The following LINGO2 variants were observed in gnomAD, a reference collection of about 807,000 sequenced individuals.
The protein encoded by LINGO2 is leucine rich repeat and Ig domain containing 2, also known as leucine-rich repeat and immunoglobulin-like domain-containing nogo receptor-interacting protein 2.
A neutral mutation model predicts 30.6 loss-of-function variants in LINGO2; 14 were observed. The observed-to-expected ratio is 0.46, with a 90% CI of 0.30 to 0.72. The LOEUF (loss-of-function observed/expected upper bound fraction) is 0.72, where lower values mean the gene tolerates loss of function less well. Among genes scored for constraint, LINGO2 ranks in the 30% least tolerant of loss-of-function variants. LINGO2 has a pLI of 0.07. For missense variants in LINGO2, 729 were observed against 751.7 expected (o/e 0.97, Z 0.35); for synonymous variants, 317 against 288.5 (o/e 1.10, Z -1.00).
intron 4 of LINGO2, among the ~76,000 whole-genome samples, chr9:28,178,637 A>C (rs929640053): frequency 2.0e-5 from 3 of 152,180 alleles, no homozygotes; most frequent in African/African-American, 7.2e-5. Context: ...TTCAGAAGTT[A>C]AAGTTGACAC....
chr9:28,657,714 T>A (rs945777641), intron 1 of LINGO2, among the ~76,000 whole-genome samples: 2 of 152,088 alleles, frequency 1.3e-5, no homozygotes, highest in African/African-American at 4.8e-5. Context: ...ATTGGTTTTG[T>A]TGAATTTCTC....
intron 4 of LINGO2, among the ~76,000 whole-genome samples, chr9:28,182,705 A>C (rs916161872): frequency 6.6e-6 from 1 of 152,238 alleles, no homozygotes; most frequent in East Asian, 1.9e-4. Flanking sequence ...ACATGAAAAA[A>C]AGCTCAACAT....
At chr9:27,950,054 C>T (rs933370349) in exon 6 of LINGO2, 2 of 1,613,984 alleles carry the variant, frequency 1.2e-6, no homozygotes, top group Non-Finnish European at 1.7e-6. Context: ...GCTTCAGATG[C>T]AGGCTGATGA....
chr9:29,155,369 T>C, the LINGO2 span, among the ~76,000 whole-genome samples: 67 of 152,190 alleles, frequency 4.4e-4, no homozygotes, highest in African/African-American at 1.6e-3. Context: ...GAATGATAGA[T>C]CTCTACTTTT....
chr9:29,140,920 T>C, the LINGO2 span, among the ~76,000 whole-genome samples: 4 of 151,918 alleles, frequency 2.6e-5, no homozygotes, highest in Non-Finnish European at 5.9e-5. Context: ...GAAAATACTG[T>C]ACCCCAGAAA....
intron 1 of LINGO2, among the ~76,000 whole-genome samples, chr9:28,487,994 G>A (rs1392037197): frequency 1.3e-5 from 2 of 152,098 alleles, no homozygotes; most frequent in Non-Finnish European, 2.9e-5. Flanking sequence ...ATACACACAT[G>A]TATACTCTGA....
chr9:28,133,819 C>T (rs1827440871), intron 4 of LINGO2, among the ~76,000 whole-genome samples: 1 of 152,156 alleles, frequency 6.6e-6, no homozygotes, highest in African/African-American at 2.4e-5. Context: ...ATTAAACTCT[C>T]TCCAAATCTG....
intron 4 of LINGO2, among the ~76,000 whole-genome samples, chr9:28,293,853 AGATGCCAATGCTAT>A (rs1238279480): frequency 6.6e-6 from 1 of 152,212 alleles, no homozygotes; most frequent in Non-Finnish European, 1.5e-5. Context: ...GTTATGTGTT[AGATGCCAATGCTAT>A]GAAGCATAGA....
At chr9:28,775,904 A>T in the LINGO2 span, among the ~76,000 whole-genome samples, 1 of 152,152 alleles carries the variant, frequency 6.6e-6, no homozygotes, top group Non-Finnish European at 1.5e-5. Flanking sequence ...ATAATGAAAA[A>T]AATTGTAACA....
rs1301582092 is a variant in LINGO2, at chr9:28,130,372, A to G, written c.-86-117967T>C. ...CTATGAGACTGTAGAAGGTATTTAA[A>G]CATTCACAAGGACAGAGCTATGTTG... On this transcript the variant is annotated intron_variant, in intron 4 of 5. Coordinates refer to ENST00000379992, the Ensembl canonical transcript of LINGO2. The surrounding 1 kb of genome is among the most constrained non-coding windows in gnomAD (Gnocchi z 5.2). Among the ~76,000 whole-genome samples, 1 of 152,224 alleles carries G rather than the reference A, an allele frequency of 6.6e-6. No homozygotes were observed. The highest frequency in any genetic ancestry group is 2.4e-5 in the African/African-American group (1 of 41,466).
intron 3 of LINGO2, among the ~76,000 whole-genome samples, chr9:28,326,248 G>C (rs750937995): frequency 6.6e-6 from 1 of 152,108 alleles, no homozygotes; most frequent in East Asian, 1.9e-4. Flanking sequence ...CTCGTGATCT[G>C]CCCACCTTGG....
At chr9:29,140,709 C>T in the LINGO2 span, among the ~76,000 whole-genome samples, 4 of 151,676 alleles carry the variant, frequency 2.6e-5, no homozygotes, top group African/African-American at 9.7e-5. Context: ...TAAAGAAGAT[C>T]ATATCATGTC....
intron 4 of LINGO2, among the ~76,000 whole-genome samples, chr9:28,049,238 T>C (rs1475273235): frequency 1.3e-5 from 2 of 151,008 alleles, no homozygotes; most frequent in African/African-American, 4.9e-5. Flanking sequence ...GCCGATATTC[T>C]GGCTGTCTTT....
At chr9:28,867,631 T>C in the LINGO2 span, among the ~76,000 whole-genome samples, 3 of 152,170 alleles carry the variant, frequency 2.0e-5, no homozygotes, top group African/African-American at 7.2e-5. Context: ...AAAGCATGTG[T>C]ATTACTTCAT....
chr9:28,137,155 T>C (rs1174909890), intron 4 of LINGO2, among the ~76,000 whole-genome samples: 1 of 151,074 alleles, frequency 6.6e-6, no homozygotes, highest in Non-Finnish European at 1.5e-5. Flanking sequence ...CAATACCTTA[T>C]GATAAATATT....
At chr9:28,052,185 C>A (rs1329218586) in intron 4 of LINGO2, among the ~76,000 whole-genome samples, 1 of 151,994 alleles carries the variant, frequency 6.6e-6, no homozygotes, top group African/African-American at 2.4e-5. Flanking sequence ...ATTATGGATT[C>A]TCAAAAGAAA....
chr9:28,808,598 T>G, the LINGO2 span, among the ~76,000 whole-genome samples: 2 of 152,186 alleles, frequency 1.3e-5, no homozygotes, highest in African/African-American at 4.8e-5. Flanking sequence ...AGTGTGGAGT[T>G]TGGACTATTC....
chr9:28,483,086 G>A (rs929926197), intron 1 of LINGO2, among the ~76,000 whole-genome samples: 2 of 151,988 alleles, frequency 1.3e-5, no homozygotes, highest in Admixed American at 6.6e-5. Context: ...AACCTAAAAC[G>A]TGCAAGGTAT....
chr9:29,003,406 G>A, the LINGO2 span, among the ~76,000 whole-genome samples: 1,862 of 151,964 alleles, frequency 0.012, 40 homozygotes, highest in African/African-American at 0.043. Flanking sequence ...ACAGGAACCA[G>A]GAATTTCTAC....
Sources: gnomAD v4.1 joint callset for allele counts (sites outside exome capture counted in the v4.1 genomes callset) on GRCh38, gnomAD v4.1.1 for gene constraint, Gnocchi (gnomAD v3.1) non-coding constraint, MANE v1.5 for transcripts, NCBI Gene and HGNC (gene_info 2026-07-23, HGNC 2026-07-21) for gene names.